SCN9A: variants seen among roughly 807,000 people sequenced by gnomAD.
SCN9A encodes sodium voltage-gated channel alpha subunit 9, also known as sodium channel protein type 9 subunit alpha.
A neutral mutation model predicts 187.0 loss-of-function variants in SCN9A; 131 were observed. The observed-to-expected ratio is 0.70, with a 90% CI of 0.61 to 0.81. The LOEUF is 0.81. Ranked by LOEUF, SCN9A falls within the 30% of genes least tolerant of loss-of-function variation. The pLI is 0.00. For missense variants in SCN9A, 2,252 were observed against 2,396.6 expected, an observed-to-expected ratio of 0.94 and a Z score of 1.26; for synonymous variants, 809 against 808.6, an observed-to-expected ratio of 1.00 and a Z score of -0.01.
rs188197187 is a variant in SCN9A, at chr2:166,198,472, C to A, written c.*200G>T. The A allele has an allele frequency of 3.7e-6, 2 of 542,534 alleles. No homozygotes were observed. The highest frequency in any genetic ancestry group is 2.8e-5 in the South Asian group (1 of 35,366). 33.6% of individuals were successfully genotyped at this position (542,534 alleles called of 1,614,324 possible). ...CAATAATTCCTACAGAGTTCTCTTA[C>A]GATTCTTAAAGAATCATCAGTGCAA... On this transcript the variant is annotated 3_prime_UTR_variant, in exon 27 of 27. Transcript: ENST00000642356.
intron 17 of SCN9A, among the ~76,000 whole-genome samples, chr2:166,264,397 G>GAAAC (rs1696644759): frequency 6.6e-6 from 1 of 151,958 alleles, no homozygotes. Flanking sequence ...TGCATTCTTA[G>GAAAC]AAACAGTGAA....
At chr2:166,233,188 C>A (rs1005517917) in intron 21 of SCN9A, among the ~76,000 whole-genome samples, 152 bp downstream of exon 21, 2 of 67,746 alleles carry the variant, frequency 3.0e-5, no homozygotes, top group African/African-American at 6.4e-5. Flanking sequence ...TACATATATG[C>A]ATATGTATAT....
chr2:166,223,788 TG>T (rs1371410490), intron 24 of SCN9A, among the ~76,000 whole-genome samples: 1 of 152,218 alleles, frequency 6.6e-6, no homozygotes, highest in Non-Finnish European at 1.5e-5. Context: ...CACTTTCATT[TG>T]TTTTTTTTCT....
At chr2:166,313,337 A>T (rs1372932198) in intron 1 of SCN9A, among the ~76,000 whole-genome samples, 1 of 152,166 alleles carries the variant, frequency 6.6e-6, no homozygotes, top group Non-Finnish European at 1.5e-5. Flanking sequence ...TTCTTCTAGT[A>T]GAAGGCTGTT....
At chr2:166,309,963 T>G (rs1165605961) in intron 2 of SCN9A, among the ~76,000 whole-genome samples, 1 of 128,252 alleles carries the variant, frequency 7.8e-6, no homozygotes, top group African/African-American at 3.1e-5. Flanking sequence ...TACAACTATC[T>G]GATCTTTGAC....
intron 1 of SCN9A, among the ~76,000 whole-genome samples, chr2:166,325,938 C>T (rs1699352657): frequency 6.6e-6 from 1 of 152,094 alleles, no homozygotes; most frequent in Non-Finnish European, 1.5e-5. Context: ...GATAACATCA[C>T]CTTCATAACT....
rs940947726 is a variant in SCN9A, at chr2:166,288,656, G to A, written c.1108-13C>T. 6 of 1,518,398 alleles carry A rather than the reference G, an allele frequency of 4.0e-6. No individual in the cohort carries two copies. The highest frequency in any genetic ancestry group is 5.3e-6 in the Non-Finnish European group (6 of 1,128,890). 94.1% of individuals were successfully genotyped at this position (1,518,398 alleles called of 1,614,324 possible). A position where few individuals can be genotyped will look rare whatever the true frequency, so the allele number is the denominator to read the frequency against. On this transcript the variant is annotated splice_polypyrimidine_tract_variant and intron_variant, in intron 9 of 26. Transcript: ENST00000642356. ...CAGCACGCAGCGTCTAGGGAAAAATGGAAATTGTCATTTGAACAATAAAAA... is the reference window on the plus strand; with the variant it reads ...CAGCACGCAGCGTCTAGGGAAAAATAGAAATTGTCATTTGAACAATAAAAA...
chr2:166,268,111 C>T (rs1696818710), intron 17 of SCN9A, among the ~76,000 whole-genome samples: 1 of 151,968 alleles, frequency 6.6e-6, no homozygotes, highest in Non-Finnish European at 1.5e-5. Context: ...AATAATTGTA[C>T]ATTGAGCACT....
chr2:166,347,625 T>C (rs989318668), intron 1 of SCN9A, among the ~76,000 whole-genome samples: 5 of 152,242 alleles, frequency 3.3e-5, no homozygotes, highest in Admixed American at 1.3e-4. Context: ...AACTAATTAA[T>C]GTTCACAACA....
intron 1 of SCN9A, among the ~76,000 whole-genome samples, chr2:166,323,893 T>C (rs1699302450): frequency 6.6e-6 from 1 of 151,758 alleles, no homozygotes; most frequent in Admixed American, 6.6e-5. Context: ...TTTTGACATC[T>C]CTTGTAGAAA....
chr2:166,297,949 T>G (rs561170939), intron 7 of SCN9A, among the ~76,000 whole-genome samples: 18 of 151,646 alleles, frequency 1.2e-4, no homozygotes, highest in Non-Finnish European at 1.6e-4. Context: ...TTTAAATTAA[T>G]TTTCAAGATT....
chr2:166,278,793 T>A (rs1051438836), intron 14 of SCN9A, among the ~76,000 whole-genome samples: 2 of 152,188 alleles, frequency 1.3e-5, no homozygotes, highest in East Asian at 1.9e-4. Context: ...GAGAAAAAAG[T>A]ATTTAATTGA....
chr2:166,306,489 A>G, intron 4 of SCN9A, 21 bp downstream of exon 4: 1 of 1,287,212 alleles, frequency 7.8e-7, no homozygotes, highest in Non-Finnish European at 1.1e-6. Context: ...ACTATATTAA[A>G]ATGTACTTAT....
chr2:166,338,553 C>T (rs1000288475), intron 1 of SCN9A, among the ~76,000 whole-genome samples: 2 of 151,940 alleles, frequency 1.3e-5, no homozygotes, highest in Non-Finnish European at 2.9e-5. Flanking sequence ...TTCCCTTGTA[C>T]CCCCTGCCCC....
intron 1 of SCN9A, among the ~76,000 whole-genome samples, chr2:166,363,619 C>T (rs1015574702): frequency 3.5e-5 from 5 of 143,826 alleles, no homozygotes; most frequent in Non-Finnish European, 6.4e-5. Context: ...GACTAAAAAC[C>T]AGATCTCTGG....
At chr2:166,252,654 A>G (rs1332770956) in intron 17 of SCN9A, among the ~76,000 whole-genome samples, 1 of 151,968 alleles carries the variant, frequency 6.6e-6, no homozygotes, top group Non-Finnish European at 1.5e-5. Context: ...AAAATTAAAC[A>G]TGGCAGACTT....
Position 166,305,904 on chromosome 2 carries a change from T to G in SCN9A, c.484A>C (p.Ile162Leu), listed in dbSNP as rs1249032423. The part of the protein sequence containing the change: ...TKNVEYTFTG[I>L]YTFESLVKIL... The stretch of plus-strand genomic sequence containing the variant: ...TTTACAAGTGATTCAAAAGTATATA[T>G]TCCAGTAAAAGTGTACCTAAACACA... The change falls in exon 5 of 27, where the codon ATA (isoleucine) becomes CTA (leucine). Residue 162 changes from isoleucine (I) to leucine (L), a missense_variant. By Grantham distance (5) the Ile-to-Leu change is conservative. Coordinates refer to ENST00000642356, the MANE Select transcript of SCN9A (RefSeq NM_001365536.1). 3.7e-6 allele frequency: 6 copies of G among 1,612,922 alleles called. No individual in the cohort carries two copies. The highest frequency in any genetic ancestry group is 5.1e-6 in the Non-Finnish European group (6 of 1,179,400).
Position 166,230,076 on chromosome 2 carries a change from A to G in SCN9A, c.3925-1104T>C, listed in dbSNP as rs143307832. On this transcript the variant is annotated intron_variant, in intron 21 of 26. Transcript: ENST00000642356. The stretch of plus-strand genomic sequence containing the variant: ...AGGGAGAAGGTTTGCAAACATTTTT[A>G]TAAATATTTTTAGGCTTTGTGGGTT... Among the ~76,000 whole-genome samples the G allele has an allele frequency of 2.0e-3, 307 of 152,284 alleles. 3 individuals carry two copies. The highest frequency in any genetic ancestry group is 7.1e-3 in the African/African-American group (297 of 41,568).
At chr2:166,297,862 C>A (rs150302616) in intron 7 of SCN9A, among the ~76,000 whole-genome samples, 1 of 151,558 alleles carries the variant, frequency 6.6e-6, no homozygotes, top group Non-Finnish European at 1.5e-5. Flanking sequence ...CACTAAAATA[C>A]GTATGGGGAA....
Sources: allele counts gnomAD v4.1 joint callset (sites outside exome capture counted in the v4.1 genomes callset), GRCh38; gene constraint gnomAD v4.1.1; transcripts MANE v1.5; gene names NCBI Gene and HGNC (gene_info 2026-07-23, HGNC 2026-07-21).